CDC42: variants seen among roughly 807,000 people sequenced by gnomAD.
CDC42 encodes cell division control protein 42 homolog.
Under a neutral mutation model 20.8 loss-of-function variants are expected in CDC42, and 1 was observed. That is an observed-to-expected ratio of 0.05 (90% CI 0.02 to 0.23). CDC42 has a LOEUF of 0.23. Among genes scored for constraint, CDC42 ranks in the 10% least tolerant of loss-of-function variants. The pLI is 1.00. For missense variants in CDC42, 49 were observed against 227.9 expected (o/e 0.21, Z 5.05); for synonymous variants, 72 against 84.8 (o/e 0.85, Z 0.83).
At chr1:22,056,688 T>A (rs1197608862) in intron 1 of CDC42, among the ~76,000 whole-genome samples, 2 of 152,268 alleles carry the variant, frequency 1.3e-5, no homozygotes, top group African/African-American at 4.8e-5. Context: ...GGGACATTGA[T>A]CTCAAACTGC....
At chr1:22,083,438 A>C (rs1266266400) in intron 3 of CDC42, among the ~76,000 whole-genome samples, 1 of 151,804 alleles carries the variant, frequency 6.6e-6, no homozygotes, top group Non-Finnish European at 1.5e-5. Context: ...CCCCATCTCT[A>C]CTAAAAATAC....
At chr1:22,076,138 G>A (rs983044715) in intron 1 of CDC42, among the ~76,000 whole-genome samples, 1 of 152,108 alleles carries the variant, frequency 6.6e-6, no homozygotes, top group Non-Finnish European at 1.5e-5. Flanking sequence ...TTCTCAGACA[G>A]TATAGTGTAA....
intron 1 of CDC42, among the ~76,000 whole-genome samples, chr1:22,054,917 ATATATT>A: frequency 8.1e-5 from 1 of 12,306 alleles, no homozygotes; most frequent in African/African-American, 2.1e-4. Context: ...ATATATATAT[ATATATT>A]TTTTTTTTTT....
At chr1:22,077,650 G>A (rs182086586) in intron 1 of CDC42, among the ~76,000 whole-genome samples, 264 of 152,202 alleles carry the variant, frequency 1.7e-3, no homozygotes, top group Middle Eastern at 3.4e-3. Flanking sequence ...ATGATTCTAA[G>A]AGACTCAAAG....
At chr1:22,074,437 A>G (rs750375794) in intron 1 of CDC42, among the ~76,000 whole-genome samples, 1 of 152,194 alleles carries the variant, frequency 6.6e-6, no homozygotes, top group African/African-American at 2.4e-5. Flanking sequence ...TTGCTGCCGT[A>G]GTGATTTGAC....
rs376681229 is a variant in CDC42 at position 22,058,578 on chromosome 1, G to A, written c.-51+5836G>A. ...ACTCACTGCAACCTCCACCTCCCGG[G>A]TTCAAGTGATTCTCCTGCCTCAACC... On this transcript the variant is annotated intron_variant, in intron 1 of 5. Transcript: ENST00000656825. Among the ~76,000 whole-genome samples, 76 of 152,024 alleles carry A rather than the reference G, an allele frequency of 5.0e-4. 1 individual carries two copies. The highest frequency in any genetic ancestry group is 1.7e-3 in the African/African-American group (72 of 41,458).
At chr1:22,089,457 G>GA (rs1375909113) in intron 5 of CDC42, among the ~76,000 whole-genome samples, 1 of 152,164 alleles carries the variant, frequency 6.6e-6, no homozygotes, top group Non-Finnish European at 1.5e-5. Flanking sequence ...TTTAGAGTCT[G>GA]TTCTTTAAAG....
At chr1:22,054,131 T>TATTA (rs370049314) in intron 1 of CDC42, among the ~76,000 whole-genome samples, 1,994 of 152,316 alleles carry the variant, frequency 0.013, 49 homozygotes, top group African/African-American at 0.042. Flanking sequence ...TTAGTTTTGT[T>TATTA]ATTAAAAACG....
At chr1:22,064,869 G>T (rs751017197) in intron 1 of CDC42, among the ~76,000 whole-genome samples, 1 of 152,048 alleles carries the variant, frequency 6.6e-6, no homozygotes, top group Non-Finnish European at 1.5e-5. Context: ...TAGAGACAGG[G>T]TTTCACCATG....
At chr1:22,062,748 A>C (rs906329764) in intron 1 of CDC42, among the ~76,000 whole-genome samples, 18 of 147,464 alleles carry the variant, frequency 1.2e-4, no homozygotes, top group Non-Finnish European at 2.2e-4. Context: ...AAAAAAAAAA[A>C]AAAAAAAAAA....
chr1:22,101,177 T>G lies in CDC42; in HGVS notation c.*9660T>G, dbSNP rs1645786400. ...ATCAAGTCCTGTTTTTGCTCCTAAC[T>G]TGCATTATGGTGTTTGATACTATAT... On this transcript the variant is annotated 3_prime_UTR_variant, in exon 6 of 6. Coordinates refer to ENST00000656825, the MANE Select transcript of CDC42 (RefSeq NM_001791.4). 2 of 152,194 alleles carry G rather than the reference T, an allele frequency of 1.3e-5. No individual in the cohort carries two copies. The highest frequency in any genetic ancestry group is 4.8e-5 in the African/African-American group (2 of 41,442). The allele number at this position is 152,194 out of a possible 1,614,324, so 9.4% of individuals were successfully genotyped here.
intron 1 of CDC42, among the ~76,000 whole-genome samples, chr1:22,067,429 GCTCT>G (rs916498702): frequency 6.6e-6 from 1 of 151,988 alleles, no homozygotes; most frequent in African/African-American, 2.4e-5. Context: ...TCGCTTTGGT[GCTCT>G]CAGCTCACTG....
chr1:22,073,538 CAAAA>C (rs879917377), intron 1 of CDC42, among the ~76,000 whole-genome samples: 1 of 92,360 alleles, frequency 1.1e-5, no homozygotes, highest in Non-Finnish European at 2.3e-5. Context: ...AACTCTGTCT[CAAAA>C]AAAAAAAAAG....
chr1:22,098,635 C>T lies in CDC42; in HGVS notation c.*7118C>T, dbSNP rs188564636. On this transcript the variant is annotated 3_prime_UTR_variant, in exon 6 of 6. Transcript: ENST00000656825. ...AAATTATTTTTTAGAGGCATCACTT[C>T]TTTAAAGCCCATCAGATTAATGTGC... 6.6e-6 allele frequency among the ~76,000 whole-genome samples: 1 copy of T among 152,182 alleles called. No individual in the cohort carries two copies.
intron 1 of CDC42, among the ~76,000 whole-genome samples, chr1:22,062,834 G>T (rs2473323): frequency 0.95 from 143,454 of 151,566 alleles, 67,950 homozygotes; most frequent in East Asian, 1. Context: ...ACCAAAAAAC[G>T]TCTTTATAAC....
rs555347302 is a variant in CDC42, at chr1:22,099,999, G to A, written c.*8482G>A. Among the ~76,000 whole-genome samples, 22 of 150,560 alleles carry A rather than the reference G, an allele frequency of 1.5e-4. No homozygotes were observed. Among genetic ancestry groups the A allele is most frequent in the African/African-American group, 5.4e-4 (22 of 40,982 alleles). ...GTCTGTCTCTAGAGTCTGCTCAGCTGGCCTTTTTTTCTTTCTTCTTCTTCT... is the reference window on the plus strand; with the variant it reads ...GTCTGTCTCTAGAGTCTGCTCAGCTAGCCTTTTTTTCTTTCTTCTTCTTCT... On this transcript the variant is annotated 3_prime_UTR_variant, in exon 6 of 6. Transcript: ENST00000656825.
rs1216173313 is a variant in CDC42, at chr1:22,073,906, C to T, written c.-50-4523C>T. 2.0e-5 allele frequency among the ~76,000 whole-genome samples: 3 copies of T among 152,156 alleles called. No individual in the cohort carries two copies. The East Asian group carries it at 5.8e-4, about 29-fold the overall frequency. On this transcript the variant is annotated intron_variant, in intron 1 of 5. Coordinates refer to ENST00000656825, the MANE Select transcript of CDC42 (RefSeq NM_001791.4). ...GTTCAAGCAATCTCCCCACCTTGTC[C>T]CCCCAAAGTGCTGGGATTACAGGTG... is the stretch of plus-strand genomic sequence containing the variant.
chr1:22,072,918 G>A (rs1195708646), intron 1 of CDC42, among the ~76,000 whole-genome samples: 1 of 152,134 alleles, frequency 6.6e-6, no homozygotes, highest in Non-Finnish European at 1.5e-5. Context: ...TTTAAAAGAG[G>A]TGTAATCTTA....
Position 22,066,012 on chromosome 1 carries a change from G to T in CDC42, c.-50-12417G>T, listed in dbSNP as rs569165449. Among the ~76,000 whole-genome samples, 20 of 152,146 alleles carry T rather than the reference G, an allele frequency of 1.3e-4. No homozygotes were observed. The South Asian group carries it at 4.1e-3, about 32-fold the overall frequency. ...TGACCTCAAATAATTGACCCACCTT[G>T]GCCTCCCAAAGTGTTGGGATTACAG... is the stretch of plus-strand genomic sequence containing the variant. On this transcript the variant is annotated intron_variant, in intron 1 of 5. Transcript: ENST00000656825.
Sources: allele counts gnomAD v4.1 joint callset (sites outside exome capture counted in the v4.1 genomes callset), GRCh38; gene constraint gnomAD v4.1.1; transcripts MANE v1.5; gene names NCBI Gene and HGNC (gene_info 2026-07-23, HGNC 2026-07-21).